The following PPM1L variants were observed in gnomAD, a reference collection of about 807,000 sequenced individuals.
PPM1L encodes the protein protein phosphatase 1L.
A neutral mutation model predicts 31.4 loss-of-function variants in PPM1L; 13 were observed. That is an observed-to-expected ratio of 0.41 (90% confidence interval 0.27 to 0.66). The LOEUF is 0.66. PPM1L is among the 30% of genes least tolerant of loss of function. The pLI is 0.29. For missense variants in PPM1L, 326 were observed against 453.7 expected, an observed-to-expected ratio of 0.72 and a Z score of 2.56; for synonymous variants, 184 against 175.4, an observed-to-expected ratio of 1.05 and a Z score of -0.39.
intron 2 of PPM1L, among the ~76,000 whole-genome samples, chr3:161,060,137 T>C (rs1469106145): frequency 1.3e-5 from 2 of 152,252 alleles, no homozygotes; most frequent in South Asian, 4.1e-4. Flanking sequence ...TACATAATTG[T>C]GTGTTGTAAG....
chr3:161,054,580 CA>C (rs1354978729), intron 2 of PPM1L, among the ~76,000 whole-genome samples: 4 of 151,988 alleles, frequency 2.6e-5, no homozygotes. Context: ...GGTTTGCACA[CA>C]AAAAATTAAA....
intron 1 of PPM1L, among the ~76,000 whole-genome samples, chr3:160,872,918 CTCTG>C (rs1712365261): frequency 6.6e-6 from 1 of 151,914 alleles, no homozygotes; most frequent in African/African-American, 2.4e-5. Flanking sequence ...CACAGCGGGA[CTCTG>C]TCTGGGAAAA....
chr3:161,046,509 T>G (rs1457262437), intron 2 of PPM1L, among the ~76,000 whole-genome samples: 1 of 151,940 alleles, frequency 6.6e-6, no homozygotes, highest in African/African-American at 2.4e-5. Context: ...CTACCAGAGG[T>G]ACAAGGAGGA....
intron 3 of PPM1L, among the ~76,000 whole-genome samples, chr3:161,066,317 G>A (rs1327913492): frequency 6.6e-6 from 1 of 152,106 alleles, no homozygotes; most frequent in African/African-American, 2.4e-5. Context: ...CCATTCTCAA[G>A]CTTTCATGAA....
At chr3:161,038,131 G>A (rs1718800289) in intron 2 of PPM1L, among the ~76,000 whole-genome samples, 1 of 150,972 alleles carries the variant, frequency 6.6e-6, no homozygotes. Flanking sequence ...CTACTCGGGA[G>A]GCTGAGGCAG....
intron 1 of PPM1L, chr3:160,870,543 G>C (rs1326886088): frequency 6.6e-6 from 1 of 152,112 alleles, no homozygotes; most frequent in Admixed American, 6.5e-5. Flanking sequence ...GGACTGTAGT[G>C]GACACTTAAA....
chr3:160,880,629 TAA>T (rs34829611), intron 1 of PPM1L, among the ~76,000 whole-genome samples: 76 of 147,072 alleles, frequency 5.2e-4, no homozygotes, highest in Non-Finnish European at 7.2e-4. Flanking sequence ...ATTCTGTGGT[TAA>T]AAAAAAAAAA....
At position 161,073,815 on chromosome 3, in the gene PPM1L, C is replaced by G. The variant is rs924549035; in HGVS notation, c.*4658C>G. On this transcript the variant is annotated 3_prime_UTR_variant, in exon 4 of 4. Coordinates refer to ENST00000498165, the MANE Select transcript of PPM1L (RefSeq NM_139245.4). ...TGACCTTGTAATCCACCAGCCTTGG[C>G]CTCCCAAAGTGCTGGGATTACAGGT... The G allele has an allele frequency of 5.9e-5, 9 of 152,224 alleles. No homozygotes were observed. Among genetic ancestry groups the G allele is most frequent in the African/African-American group, 2.2e-4 (9 of 41,446 alleles). 9.4% of individuals were successfully genotyped at this position (152,224 alleles called of 1,614,324 possible). A position where few individuals can be genotyped will look rare whatever the true frequency, so the allele number is the denominator to read the frequency against.
chr3:160,852,402 A>G (rs1576670989), intron 1 of PPM1L, among the ~76,000 whole-genome samples: 1 of 152,234 alleles, frequency 6.6e-6, no homozygotes, highest in African/African-American at 2.4e-5. Context: ...GAAGCATGTT[A>G]ATGTTTGACA....
chr3:160,877,176 A>G (rs980095670), intron 1 of PPM1L, among the ~76,000 whole-genome samples: 26 of 152,262 alleles, frequency 1.7e-4, no homozygotes, highest in Admixed American at 3.9e-4. Context: ...TGTCATGGGT[A>G]TAAATATATC....
At chr3:160,935,604 G>C (rs1714943536) in intron 1 of PPM1L, among the ~76,000 whole-genome samples, 1 of 152,198 alleles carries the variant, frequency 6.6e-6, no homozygotes, top group Non-Finnish European at 1.5e-5. Flanking sequence ...CGGCTCCCCT[G>C]TTTGTTTTTC....
intron 2 of PPM1L, among the ~76,000 whole-genome samples, chr3:160,968,034 T>C (rs1347542035): frequency 6.6e-6 from 1 of 152,004 alleles, no homozygotes; most frequent in Non-Finnish European, 1.5e-5. Context: ...GCCACATAAT[T>C]TGTACCTAAT....
chr3:160,961,472 C>T (rs1489818582), intron 1 of PPM1L, among the ~76,000 whole-genome samples: 1 of 152,114 alleles, frequency 6.6e-6, no homozygotes, highest in African/African-American at 2.4e-5. Flanking sequence ...AAACTCTGAG[C>T]ACTAAATCTG....
intron 1 of PPM1L, among the ~76,000 whole-genome samples, chr3:160,919,324 G>A (rs999038888): frequency 1.3e-5 from 2 of 151,966 alleles, no homozygotes; most frequent in Admixed American, 6.6e-5. Flanking sequence ...ATTTATCTAG[G>A]ATCATAGTTG....
chr3:160,801,451 A>G (rs895784712), intron 1 of PPM1L, among the ~76,000 whole-genome samples: 2 of 152,210 alleles, frequency 1.3e-5, no homozygotes, highest in Admixed American at 6.5e-5. Context: ...ATTTAAGACT[A>G]CCAGTCCATG....
chr3:160,889,204 A>G (rs1713041843), intron 1 of PPM1L, among the ~76,000 whole-genome samples: 1 of 152,174 alleles, frequency 6.6e-6, no homozygotes, highest in Non-Finnish European at 1.5e-5. Context: ...AAAATAATCA[A>G]TGAATCCAGA....
At chr3:161,000,053 A>G (rs1192252915) in intron 2 of PPM1L, among the ~76,000 whole-genome samples, 2 of 152,218 alleles carry the variant, frequency 1.3e-5, no homozygotes, top group Non-Finnish European at 2.9e-5. Flanking sequence ...AATCCAGCAC[A>G]TAATAGATGT....
chr3:160,994,521 A>G (rs1184023011), intron 2 of PPM1L, among the ~76,000 whole-genome samples: 1 of 152,192 alleles, frequency 6.6e-6, no homozygotes, highest in Non-Finnish European at 1.5e-5. Context: ...ACTGTTCCTC[A>G]TAGAAATCTC....
At chr3:160,808,386 T>TGTGTGTGTGTGTGTGTGCGCGCGCGC (rs1712691302) in intron 1 of PPM1L, among the ~76,000 whole-genome samples, 4 of 47,006 alleles carry the variant, frequency 8.5e-5, no homozygotes, top group Admixed American at 4.5e-4. Context: ...GATTTTCCTG[T>TGTGTGTGTGTGTGTGTGCGCGCGCGC]GTGTGTGTGT....
Sources: gnomAD v4.1 joint callset for allele counts (sites outside exome capture counted in the v4.1 genomes callset) on GRCh38, gnomAD v4.1.1 for gene constraint, MANE v1.5 for transcripts, NCBI Gene and HGNC (gene_info 2026-07-23, HGNC 2026-07-21) for gene names.